GSE1: variants seen among roughly 807,000 people sequenced by gnomAD.
The protein encoded by GSE1 is genetic suppressor element 1.
Under a neutral mutation model 112.6 loss-of-function variants are expected in GSE1, and 32 were observed. That is an observed-to-expected ratio of 0.28 (90% CI 0.21 to 0.38). The LOEUF (loss-of-function observed/expected upper bound fraction) is 0.38. Ranked by LOEUF, GSE1 falls within the 10% of genes least tolerant of loss-of-function variation. The pLI, the probability that GSE1 is intolerant of heterozygous loss-of-function variation, is 1.00. For synonymous variants in GSE1, 1,115 were observed against 735.6 expected, an observed-to-expected ratio of 1.52 and a Z score of -8.35; for missense variants, 2,348 against 1,699.2, an observed-to-expected ratio of 1.38 and a Z score of -6.71.
At chr16:85,249,891 C>T (rs1906274664) in intron 1 of GSE1, among the ~76,000 whole-genome samples, 2 of 152,264 alleles carry the variant, frequency 1.3e-5, no homozygotes, top group South Asian at 4.1e-4. Context: ...AATGTCACAG[C>T]TGCAGAAGCT....
At chr16:85,321,275 AATG>A (rs1309711754) in intron 1 of GSE1, among the ~76,000 whole-genome samples, 1 of 152,114 alleles carries the variant, frequency 6.6e-6, no homozygotes, top group African/African-American at 2.4e-5. Context: ...TCCTTGAAGT[AATG>A]ATTTCTTCAG....
In GSE1 at chr16:85,450,117, CTTTTTTTT is replaced by C. The variant is rs59854597; in HGVS notation, c.2464+92488_2464+92495del. 8.8e-5 allele frequency among the ~76,000 whole-genome samples: 7 copies of C among 79,498 alleles called. No homozygotes were observed. In the East Asian group the frequency reaches 2.3e-3, roughly 26 times the overall value. The allele number at this position is 79,498 out of a possible 152,430, so 52.2% of individuals were successfully genotyped here. ...GGCCAGTTCTATTTTAGGCAGCTGA[CTTTTTTTT>C]TTTTTTTTTTTTTGAGACGGAATTT... On this transcript the variant is annotated intron_variant, in intron 2 of 2. Coordinates refer to the GSE1 transcript ENST00000637419.
chr16:85,430,173 G>T (rs535056757), intron 2 of GSE1, among the ~76,000 whole-genome samples: 11 of 152,206 alleles, frequency 7.2e-5, no homozygotes, highest in Admixed American at 7.2e-4. Context: ...AACGTTGCCC[G>T]TGAGCACATT....
chr16:85,300,262 T>G (rs1436091581), intron 1 of GSE1, among the ~76,000 whole-genome samples: 1 of 152,168 alleles, frequency 6.6e-6, no homozygotes, highest in Non-Finnish European at 1.5e-5. Context: ...TCGTCCCACC[T>G]CGGCCTCCCA....
At chr16:85,221,026 C>T (rs1420828249) in intron 1 of GSE1, among the ~76,000 whole-genome samples, 1 of 150,944 alleles carries the variant, frequency 6.6e-6, no homozygotes, top group East Asian at 2.0e-4. Flanking sequence ...GGGGATTCAG[C>T]GTCCTCCGGG....
chr16:85,186,084 A>G (rs77127711), intron 1 of GSE1, among the ~76,000 whole-genome samples: 2,410 of 152,238 alleles, frequency 0.016, 65 homozygotes, highest in African/African-American at 0.056. Context: ...ATACTGTTCT[A>G]TGTCCCCCTA....
intron 2 of GSE1, among the ~76,000 whole-genome samples, chr16:85,466,467 C>T (rs901391022): frequency 1.3e-5 from 2 of 152,198 alleles, no homozygotes; most frequent in Admixed American, 6.5e-5. Flanking sequence ...AGGGGCCCTC[C>T]TGGCGCACAC....
intron 1 of GSE1, among the ~76,000 whole-genome samples, chr16:85,356,634 C>T (rs140743320): frequency 9.8e-5 from 15 of 152,332 alleles, no homozygotes; most frequent in Admixed American, 9.1e-4. Flanking sequence ...CAATCACAGC[C>T]TTCCTGTGTC....
chr16:85,220,726 C>T (rs1353974781), intron 1 of GSE1, among the ~76,000 whole-genome samples: 1 of 152,194 alleles, frequency 6.6e-6, no homozygotes, highest in East Asian at 1.9e-4. Context: ...CTCGCGCTCT[C>T]TGCACCTCTG....
chr16:85,286,204 G>A (rs1416720139), intron 1 of GSE1, among the ~76,000 whole-genome samples: 2 of 152,244 alleles, frequency 1.3e-5, no homozygotes, highest in Non-Finnish European at 2.9e-5. Flanking sequence ...GCATGTTAGC[G>A]GGAGGAGGAC....
intron 2 of GSE1, among the ~76,000 whole-genome samples, chr16:85,532,416 AC>A (rs1337209361): frequency 1.3e-5 from 2 of 152,152 alleles, no homozygotes; most frequent in East Asian, 3.8e-4. Context: ...ATACGCCACC[AC>A]GCCAGGCTAA....
At chr16:85,650,417 C>G (rs1483413300) in intron 3 of GSE1, among the ~76,000 whole-genome samples, 1 of 152,208 alleles carries the variant, frequency 6.6e-6, no homozygotes, top group African/African-American at 2.4e-5. Flanking sequence ...CCTGCCCCAG[C>G]CTGGACCAGG....
chr16:85,569,566 C>A (rs955776005), intron 1 of GSE1, among the ~76,000 whole-genome samples: 5 of 152,194 alleles, frequency 3.3e-5, no homozygotes, highest in African/African-American at 1.2e-4. Context: ...TCAGGAAGGG[C>A]GGACTTGCTC....
At chr16:85,667,555 C>T (rs2052972879) in intron 13 of GSE1, among the ~76,000 whole-genome samples, 1 of 152,206 alleles carries the variant, frequency 6.6e-6, no homozygotes, top group African/African-American at 2.4e-5. Flanking sequence ...GACTATAGAC[C>T]AAGCTCAAAG....
At chr16:85,304,367 G>A (rs575017572) in intron 1 of GSE1, among the ~76,000 whole-genome samples, 59 of 152,232 alleles carry the variant, frequency 3.9e-4, no homozygotes, top group Middle Eastern at 3.4e-3. Context: ...GTGGGGCCGG[G>A]GCTCTCTAGC....
intron 2 of GSE1, among the ~76,000 whole-genome samples, chr16:85,544,993 C>A (rs1398233935): frequency 6.6e-6 from 1 of 152,248 alleles, no homozygotes; most frequent in East Asian, 1.9e-4. Flanking sequence ...TCCCATATTT[C>A]TCCTCCCCTC....
chr16:85,645,492 G>A lies in GSE1; in HGVS notation c.227-3060G>A, dbSNP rs548925455. Among the ~76,000 whole-genome samples the A allele has an allele frequency of 1.3e-4, 20 of 152,264 alleles. No individual in the cohort carries two copies. In the South Asian group the frequency reaches 3.3e-3, roughly 25 times the overall value. The stretch of plus-strand genomic sequence containing the variant: ...TGCAGGAAGCAACGGACTTGCCCTC[G>A]GGACAGGGCAGCTGCCCCACCCCAA... On this transcript the variant is annotated intron_variant, in intron 2 of 15. Coordinates refer to ENST00000253458, the MANE Select transcript of GSE1 (RefSeq NM_014615.5).
intron 1 of GSE1, among the ~76,000 whole-genome samples, chr16:85,207,096 G>A (rs1416408295): frequency 3.3e-5 from 5 of 152,164 alleles, no homozygotes; most frequent in Admixed American, 1.3e-4. Flanking sequence ...ACAGGCTGGC[G>A]GCTTGGGGCT....
chr16:85,557,942 C>A (rs1386234561), intron 1 of GSE1, among the ~76,000 whole-genome samples: 1 of 151,932 alleles, frequency 6.6e-6, no homozygotes, highest in Admixed American at 6.6e-5. Flanking sequence ...TATTTTCCAG[C>A]GTTTCCATTC....
Sources: gnomAD v4.1 joint callset for allele counts (sites outside exome capture counted in the v4.1 genomes callset) on GRCh38, gnomAD v4.1.1 for gene constraint, MANE v1.5 for transcripts, NCBI Gene and HGNC (gene_info 2026-07-23, HGNC 2026-07-21) for gene names.